The following FLNB variants were observed in gnomAD, a reference collection of about 807,000 sequenced individuals.
FLNB encodes the protein filamin-B.
Under a neutral mutation model 250.6 loss-of-function variants are expected in FLNB, and 111 were observed. That is an observed-to-expected ratio of 0.44 (90% CI 0.38 to 0.52). The LOEUF is 0.52. Ranked by LOEUF, FLNB falls within the 20% of genes least tolerant of loss-of-function variation. The probability of loss-of-function intolerance (pLI) is 0.00; values close to 1 mark genes in which losing one functional copy is unlikely to be tolerated. For synonymous variants in FLNB, 1,302 were observed against 1,372.1 expected (o/e 0.95, Z 1.13); for missense variants, 2,869 against 3,447.8 (o/e 0.83, Z 4.20).
chr3:58,096,094 A>T, intron 5 of FLNB, 47 bp from the exon 6 acceptor site: 1 of 1,437,026 alleles, frequency 7.0e-7, no homozygotes, highest in Non-Finnish European at 9.8e-7. Flanking sequence ...CATGCTCCTT[A>T]CTCACACCCG....
chr3:58,109,959 C>T (rs750068542), intron 15 of FLNB, 51 bp from the exon 16 acceptor site: 9 of 1,607,508 alleles, frequency 5.6e-6, no homozygotes, highest in Non-Finnish European at 7.7e-6. Context: ...AGAGATTGCA[C>T]AGGACATGCT....
At chr3:58,131,610 A>G (rs111781714) in intron 25 of FLNB, among the ~76,000 whole-genome samples, 12 of 152,332 alleles carry the variant, frequency 7.9e-5, no homozygotes, top group South Asian at 4.1e-4. Flanking sequence ...TTCCTCGCCA[A>G]TGATATGTTC....
rs66843075 is a variant in FLNB, at chr3:58,084,564, A to T, written c.787+2788A>T. ...AGGAAACACACCCTTTTAAAAAAAA[A>T]TTTTTTTTTATATGTGTGCTTTTTG... On this transcript the variant is annotated intron_variant, in intron 4 of 45. Transcript: ENST00000295956. Among the ~76,000 whole-genome samples, 537 of 150,400 alleles carry T rather than the reference A, an allele frequency of 3.6e-3. 4 individuals are homozygous for T. The highest frequency in any genetic ancestry group is 7.9e-3 in the African/African-American group (326 of 41,062).
intron 1 of FLNB, among the ~76,000 whole-genome samples, chr3:58,039,731 A>T (rs2097143376): frequency 6.6e-6 from 1 of 152,198 alleles, no homozygotes; most frequent in African/African-American, 2.4e-5. Flanking sequence ...CATTCACTTT[A>T]TTGCCTCTTT....
rs185255168 is a variant in FLNB, at chr3:58,168,925, G to A, written c.7417+267G>A. The A allele has an allele frequency of 1.5e-4, 68 of 456,176 alleles. 1 individual carries two copies. The highest frequency in any genetic ancestry group is 2.5e-4 in the Non-Finnish European group (61 of 247,520). The allele number at this position is 456,176 out of a possible 1,614,324, so 28.3% of individuals were successfully genotyped here. ...GAAAGAATACATATTGAAATCTTAC[G>A]TATTTGTTTAGATCAGGGTCTGAAA... On this transcript the variant is annotated intron_variant, in intron 44 of 45. Transcript: ENST00000295956.
chr3:58,011,876 G>C (rs549535747), intron 1 of FLNB, among the ~76,000 whole-genome samples: 1 of 152,276 alleles, frequency 6.6e-6, no homozygotes, highest in East Asian at 1.9e-4. Context: ...AGAAAATGGC[G>C]CCTGTTAATT....
chr3:58,079,819 T>C (rs954233232), intron 3 of FLNB, among the ~76,000 whole-genome samples: 3 of 152,204 alleles, frequency 2.0e-5, no homozygotes, highest in Non-Finnish European at 4.4e-5. Flanking sequence ...CCAGGGAAGA[T>C]TGCAGGTAGC....
chr3:58,044,445 A>C (rs1339077819), intron 1 of FLNB, among the ~76,000 whole-genome samples: 3 of 151,702 alleles, frequency 2.0e-5, no homozygotes, highest in Non-Finnish European at 1.5e-5. Flanking sequence ...AAAAACAAAC[A>C]AACAAACAAA....
chr3:58,058,112 T>C (rs1031367793), intron 1 of FLNB, among the ~76,000 whole-genome samples: 2 of 152,226 alleles, frequency 1.3e-5, no homozygotes, highest in Non-Finnish European at 2.9e-5. Context: ...TTTTTAGCAC[T>C]CAAGCTTCGT....
chr3:58,098,603 G>T, intron 7 of FLNB, 108 bp from the exon 8 acceptor site: 1 of 1,046,140 alleles, frequency 9.6e-7, no homozygotes, highest in Non-Finnish European at 1.5e-6. Context: ...GAAGTGCTGG[G>T]ATTACAAGCA....
chr3:58,133,009 A>ACC (rs2097310089), intron 26 of FLNB, 78 bp downstream of exon 26: 11 of 1,479,758 alleles, frequency 7.4e-6, no homozygotes, highest in Admixed American at 2.0e-5. Context: ...CAGTCCATCC[A>ACC]CCCATCCGTT....
chr3:58,039,999 G>C (rs2097143799), intron 1 of FLNB, among the ~76,000 whole-genome samples: 1 of 152,136 alleles, frequency 6.6e-6, no homozygotes, highest in Admixed American at 6.6e-5. Flanking sequence ...ACAAAAATTA[G>C]CTGGGTCTGA....
At chr3:58,078,604 GA>G (rs2097204790) in intron 2 of FLNB, 112 bp from the exon 3 acceptor site, 1 of 1,517,494 alleles carries the variant, frequency 6.6e-7, no homozygotes. Flanking sequence ...CAGATTTTAG[GA>G]AAAAATCATT....
At chr3:58,152,506 C>G (rs977035351) in intron 38 of FLNB, among the ~76,000 whole-genome samples, 3 of 152,198 alleles carry the variant, frequency 2.0e-5, no homozygotes, top group Non-Finnish European at 4.4e-5. Context: ...GTCTGGGACT[C>G]TTACAAGGCC....
At chr3:58,103,188 C>T (rs535434023) in intron 9 of FLNB, among the ~76,000 whole-genome samples, 25 of 152,218 alleles carry the variant, frequency 1.6e-4, no homozygotes, top group African/African-American at 5.8e-4. Flanking sequence ...AGCCGAGGTT[C>T]TAGACTGCCC....
chr3:58,138,449 A>G lies in FLNB; in HGVS notation c.5029A>G (p.Thr1677Ala). The G allele has an allele frequency of 1.2e-6, 2 of 1,614,182 alleles. No individual in the cohort carries two copies. The highest frequency in any genetic ancestry group is 1.7e-6 in the Non-Finnish European group (2 of 1,180,026). ...NEDGTYDIFY[T>A]AAKPGTYVIY... Reference sequence around the variant, plus strand: ...AGATGGAACCTATGACATCTTCTACACAGCTGCCAAGCCGGGCACATATGT... The same window carrying G: ...AGATGGAACCTATGACATCTTCTACGCAGCTGCCAAGCCGGGCACATATGT... Residue 1677 changes from threonine to alanine, a missense_variant, in exon 29 of 46, where the codon ACA becomes GCA. By Grantham distance (58) the Thr-to-Ala change is moderately conservative (BLOSUM62 0). Transcript: ENST00000295956.
At chr3:58,032,125 G>C (rs1478904505) in intron 1 of FLNB, among the ~76,000 whole-genome samples, 1 of 150,152 alleles carries the variant, frequency 6.7e-6, no homozygotes, top group Non-Finnish European at 1.5e-5. Context: ...TTGTATTTTT[G>C]GTAGAGACAG....
intron 42 of FLNB, among the ~76,000 whole-genome samples, chr3:58,160,143 T>C (rs534556025): frequency 1.2e-4 from 19 of 152,382 alleles, no homozygotes; most frequent in African/African-American, 4.3e-4. Context: ...ACATTCATCA[T>C]AATTTTTCTT....
chr3:58,170,824 C>A lies in FLNB; in HGVS notation c.*62C>A. ...TTGCTTTTGTTGCTTGTTTGTAATTCATTTTATACAAAGCCCTCCAGCCTG... is the reference window on the plus strand; with the variant it reads ...TTGCTTTTGTTGCTTGTTTGTAATTAATTTTATACAAAGCCCTCCAGCCTG... On this transcript the variant is annotated 3_prime_UTR_variant, in exon 46 of 46. Transcript: ENST00000295956. 6.8e-7 allele frequency: 1 copy of A among 1,476,602 alleles called. No individual in the cohort carries two copies. The highest frequency in any genetic ancestry group is 1.2e-5 in the South Asian group (1 of 85,114). 91.5% of individuals were successfully genotyped at this position (1,476,602 alleles called of 1,614,324 possible).
Sources: gnomAD v4.1 joint callset for allele counts (sites outside exome capture counted in the v4.1 genomes callset) on GRCh38, gnomAD v4.1.1 for gene constraint, MANE v1.5 for transcripts, NCBI Gene and HGNC (gene_info 2026-07-23, HGNC 2026-07-21) for gene names.